Variants in TNFAIP2 observed in about 807,000 individuals in gnomAD.
TNFAIP2 encodes tumor necrosis factor alpha-induced protein 2.
TNFAIP2 carries 47 observed loss-of-function variants against 63.5 expected under a neutral mutation model. That is an observed-to-expected ratio of 0.74 (90% CI 0.59 to 0.94). The LOEUF (loss-of-function observed/expected upper bound fraction) is 0.94, where lower values mean the gene tolerates loss of function less well. TNFAIP2 is among the 40% of genes least tolerant of loss of function. The pLI, the probability that TNFAIP2 is intolerant of heterozygous loss-of-function variation, is 0.00. For missense variants in TNFAIP2, 787 were observed against 850.2 expected (o/e 0.93, Z 0.92); for synonymous variants, 405 against 390.2 (o/e 1.04, Z -0.45).
Position 103,132,773 on chromosome 14 carries a change from C to T in TNFAIP2, c.1446C>T (p.His482=), listed in dbSNP as rs1262919484. Residue 482 remains histidine, a synonymous_variant, in exon 9 of 12, where the codon CAC becomes CAT. Transcript: ENST00000560869. Reference sequence around the variant, plus strand: ...AGCCACTGTTCAAGAGGTTCACGCACACCCGCTGGGCGGCCCCTGTGGAGA... The same window carrying T: ...AGCCACTGTTCAAGAGGTTCACGCATACCCGCTGGGCGGCCCCTGTGGAGA... ...DLKPLFKRFT[H]TRWAAPVETL... is the part of the protein sequence containing the mutation. 4.3e-6 allele frequency: 7 copies of T among 1,613,718 alleles called. No individual in the cohort carries two copies. The highest frequency in any genetic ancestry group is 1.7e-5 in the Admixed American group (1 of 59,974).
At chr14:103,130,184 G>A (rs1036631182) in intron 5 of TNFAIP2, 60 bp downstream of exon 5, 5 of 1,581,538 alleles carry the variant, frequency 3.2e-6, no homozygotes, top group African/African-American at 1.3e-5. Context: ...GGAGCCCCAC[G>A]CACATTCCGT....
rs2087797154 is a variant in TNFAIP2, at chr14:103,123,798, G to A, written c.-302G>A. 6.6e-6 allele frequency: 1 copy of A among 152,356 alleles called. No individual in the cohort carries two copies. The highest frequency in any genetic ancestry group is 1.5e-5 in the Non-Finnish European group (1 of 68,144). 9.4% of individuals were successfully genotyped at this position (152,356 alleles called of 1,614,324 possible). On this transcript the variant is annotated 5_prime_UTR_variant, in exon 1 of 12. Coordinates refer to ENST00000560869, the MANE Select transcript of TNFAIP2 (RefSeq NM_006291.4). ...AGGTCCGGCGTGACTCCCCGGCCGG[G>A]CGACACAGGCCGAGTCACTTCCTCG...
Position 103,127,317 on chromosome 14 carries a change from C to A in TNFAIP2, c.548C>A (p.Pro183Gln). Reference sequence around the variant, plus strand: ...ACCTCGGGGCTGGCGGCCACGCGCCCGCGGCGCTGGCTGCAGCTGTGGCGG... The same window carrying A: ...ACCTCGGGGCTGGCGGCCACGCGCCAGCGGCGCTGGCTGCAGCTGTGGCGG... ...PGTSGLAATR[P>Q]RRWLQLWRRG... The change falls in exon 3 of 12, where the codon CCG (proline) becomes CAG (glutamine). Residue 183 changes from proline (P) to glutamine (Q), a missense_variant. Physicochemically the swap from Pro to Gln is moderately conservative, Grantham distance 76. Transcript: ENST00000560869. This position sits in a 1 kb window ranked among gnomAD's most constrained non-coding sequence, Gnocchi z 5.1. 1.0e-6 allele frequency: 1 copy of A among 1,001,234 alleles called. No individual in the cohort carries two copies. The highest frequency in any genetic ancestry group is 1.2e-6 in the Non-Finnish European group (1 of 841,754). The allele number at this position is 1,001,234 out of a possible 1,614,324, so 62.0% of individuals were successfully genotyped here.
At chr14:103,134,935 G>T (rs2088064789) in intron 11 of TNFAIP2, among the ~76,000 whole-genome samples, 2 of 152,234 alleles carry the variant, frequency 1.3e-5, no homozygotes, top group Non-Finnish European at 2.9e-5. Context: ...GCCTTTTGGG[G>T]GTGGACATCT....
chr14:103,127,642 G>A lies in TNFAIP2; in HGVS notation c.860+13G>A. 1 of 1,464,142 alleles carries A rather than the reference G, an allele frequency of 6.8e-7. No individual in the cohort carries two copies. The highest frequency in any genetic ancestry group is 9.0e-7 in the Non-Finnish European group (1 of 1,105,838). The allele number at this position is 1,464,142 out of a possible 1,614,324, so 90.7% of individuals were successfully genotyped here. A position where few individuals can be genotyped will look rare whatever the true frequency, so the allele number is the denominator to read the frequency against. On this transcript the variant is annotated intron_variant, in intron 3 of 11. Coordinates refer to ENST00000560869, the MANE Select transcript of TNFAIP2 (RefSeq NM_006291.4). This position sits in a 1 kb window ranked among gnomAD's most constrained non-coding sequence, Gnocchi z 5.1. ...ACCTCTACCCCAAGTGAGCAGACCA[G>A]GGGCTGGGCCCGGGCCGGCAGGGAG...
Position 103,131,741 on chromosome 14 carries a change from G to T in TNFAIP2, c.1401G>T (p.Gln467His). 1 of 1,612,370 alleles carries T rather than the reference G, an allele frequency of 6.2e-7. No individual in the cohort carries two copies. Among genetic ancestry groups the T allele is most frequent in the Non-Finnish European group, 8.5e-7 (1 of 1,179,744 alleles). Residue 467 changes from glutamine to histidine, a missense_variant, in exon 8 of 12, where the codon CAG becomes CAT. Coordinates refer to ENST00000560869, the MANE Select transcript of TNFAIP2 (RefSeq NM_006291.4). The surrounding 1 kb of genome is among the most constrained non-coding windows in gnomAD (Gnocchi z 4.0). ...GCCACGGCTTTGACACCCTGCTCCAGAACCTGCATGAGGACCTGAAGGTAG... is the reference window on the plus strand; with the variant it reads ...GCCACGGCTTTGACACCCTGCTCCATAACCTGCATGAGGACCTGAAGGTAG... Reference protein sequence around the residue: ...LKSHGFDTLLQNLHEDLKPLF... With the variant: ...LKSHGFDTLLHNLHEDLKPLF...
chr14:103,132,634 G>A (rs964213585), intron 8 of TNFAIP2, 116 bp from the exon 9 acceptor site: 27 of 1,472,868 alleles, frequency 1.8e-5, no homozygotes, highest in East Asian at 7.6e-5. Context: ...AGTGCCCCCC[G>A]CCCCTCCACC....
chr14:103,135,132 G>A lies in TNFAIP2; in HGVS notation c.1824-87G>A. ...TCGTGGGCCGGGCGTTGGCTGTCGG[G>A]CCCTGTGGCACTGGCCGGGAGTGCA... On this transcript the variant is annotated intron_variant, in intron 11 of 11. Transcript: ENST00000560869. The surrounding 1 kb of genome is among the most constrained non-coding windows in gnomAD (Gnocchi z 7.6). The A allele has an allele frequency of 6.4e-7, 1 of 1,567,762 alleles. No homozygotes were observed. Among genetic ancestry groups the A allele is most frequent in the Non-Finnish European group, 8.8e-7 (1 of 1,140,628 alleles).
intron 1 of TNFAIP2, among the ~76,000 whole-genome samples, chr14:103,125,062 C>G (rs555396740): frequency 1.1e-4 from 17 of 152,376 alleles, no homozygotes; most frequent in African/African-American, 3.8e-4. Flanking sequence ...TCCTACTCAG[C>G]CTCAGTTTCT....
At chr14:103,126,781 G>A (rs1435586348) in intron 2 of TNFAIP2, 89 bp downstream of exon 2, 7 of 1,383,570 alleles carry the variant, frequency 5.1e-6, no homozygotes, top group Non-Finnish European at 5.8e-6. Context: ...ACAGTGGGCC[G>A]GCAAGTGGGG....
upstream of TNFAIP2, chr14:103,122,975 G>T (rs1030274690): frequency 5.6e-6 from 2 of 359,068 alleles, no homozygotes; most frequent in Non-Finnish European, 1.1e-5. Context: ...CCCTTAGGGG[G>T]CCTCCTTCAG....
chr14:103,127,734 G>A lies in TNFAIP2; in HGVS notation c.860+105G>A, dbSNP rs999001489. The A allele has an allele frequency of 9.2e-6, 12 of 1,309,448 alleles. No homozygotes were observed. The African/African-American group carries it at 1.3e-4, about 15-fold the overall frequency. The allele number at this position is 1,309,448 out of a possible 1,614,324, so 81.1% of individuals were successfully genotyped here. ...GCCGCCGGCAGCTTTTAGTGAGGTCGGTGTTTGCAGAGTTTTGGGTCCGAG... is the reference window on the plus strand; with the variant it reads ...GCCGCCGGCAGCTTTTAGTGAGGTCAGTGTTTGCAGAGTTTTGGGTCCGAG... On this transcript the variant is annotated intron_variant, in intron 3 of 11. Coordinates refer to ENST00000560869, the MANE Select transcript of TNFAIP2 (RefSeq NM_006291.4). The surrounding 1 kb of genome is among the most constrained non-coding windows in gnomAD (Gnocchi z 5.1).
Position 103,133,747 on chromosome 14 carries a change from C to T in TNFAIP2, c.1767C>T (p.Asp589=), listed in dbSNP as rs763241835. 4 of 1,596,966 alleles carry T rather than the reference C, an allele frequency of 2.5e-6. No homozygotes were observed. The highest frequency in any genetic ancestry group is 2.5e-6 in the Non-Finnish European group (3 of 1,176,884). The change falls in exon 11 of 12, where the codon GAC becomes GAT. Residue 589 remains aspartate (D), a synonymous_variant. Coordinates refer to ENST00000560869, the MANE Select transcript of TNFAIP2 (RefSeq NM_006291.4). ...TGGCCGAGATCATTCGCCTGCAGGA[C>T]CCCAGTGCCATCAAGATTGAGGTGG... ...PTLAEIIRLQ[D]PSAIKIEVAT...
intron 9 of TNFAIP2, among the ~76,000 whole-genome samples, chr14:103,133,121 C>T (rs923260957): frequency 2.0e-5 from 3 of 149,726 alleles, no homozygotes; most frequent in Admixed American, 1.3e-4. Flanking sequence ...CATATGAACA[C>T]ACGTGAAGGC....
At chr14:103,124,394 C>G (rs1359454727) in intron 1 of TNFAIP2, 1 of 152,448 alleles carries the variant, frequency 6.6e-6, no homozygotes, top group African/African-American at 2.4e-5. Context: ...AGAGCGGAGA[C>G]CTGGGGCGAG....
At position 103,123,838 on chromosome 14, in the gene TNFAIP2, TC is replaced by T. The variant is rs2087797975; in HGVS notation, c.-260del. Reference sequence around the variant, plus strand: ...TCACTTCCTCGCCCGTGCCCGGGTGTCCTCATCGGGGGATGGGTGCGCCTTC... The same window carrying T: ...TCACTTCCTCGCCCGTGCCCGGGTGTCTCATCGGGGGATGGGTGCGCCTTC... On this transcript the variant is annotated 5_prime_UTR_variant, in exon 1 of 12. Coordinates refer to ENST00000560869, the MANE Select transcript of TNFAIP2 (RefSeq NM_006291.4). 1 of 152,322 alleles carries T rather than the reference TC, an allele frequency of 6.6e-6. No homozygotes were observed. Among genetic ancestry groups the T allele is most frequent in the Non-Finnish European group, 1.5e-5 (1 of 68,140 alleles). The allele number at this position is 152,322 out of a possible 1,614,324, so 9.4% of individuals were successfully genotyped here.
At chr14:103,129,241 G>A (rs973510838) in intron 3 of TNFAIP2, among the ~76,000 whole-genome samples, 2 of 152,240 alleles carry the variant, frequency 1.3e-5, no homozygotes, top group Admixed American at 6.5e-5. Flanking sequence ...AGTGGGCTGG[G>A]AGCTGGCTGG....
chr14:103,135,474 G>C lies in TNFAIP2; in HGVS notation c.*114G>C. On this transcript the variant is annotated 3_prime_UTR_variant, in exon 12 of 12. Transcript: ENST00000560869. This position sits in a 1 kb window ranked among gnomAD's most constrained non-coding sequence, Gnocchi z 7.6. ...GTTCCTCCCGGGTCTCCTGTGCTCTGATGCTACTTCTGCCTAGCCCTGGCG... is the reference window on the plus strand; with the variant it reads ...GTTCCTCCCGGGTCTCCTGTGCTCTCATGCTACTTCTGCCTAGCCCTGGCG... 2 of 1,505,316 alleles carry C rather than the reference G, an allele frequency of 1.3e-6. No individual in the cohort carries two copies. The highest frequency in any genetic ancestry group is 1.8e-6 in the Non-Finnish European group (2 of 1,136,504). The allele number at this position is 1,505,316 out of a possible 1,614,324, so 93.2% of individuals were successfully genotyped here.
At chr14:103,133,577 C>A in intron 10 of TNFAIP2, 60 bp downstream of exon 10, 2 of 1,594,028 alleles carry the variant, frequency 1.3e-6, no homozygotes, top group Non-Finnish European at 1.7e-6. Flanking sequence ...CTCCCCTAGC[C>A]CTTTCAGGGT....
Sources: allele counts gnomAD v4.1 joint callset (sites outside exome capture counted in the v4.1 genomes callset), GRCh38; gene constraint gnomAD v4.1.1; non-coding constraint Gnocchi (gnomAD v3.1); transcripts MANE v1.5; gene names NCBI Gene and HGNC (gene_info 2026-07-23, HGNC 2026-07-21).